OLFM1: variants seen among roughly 807,000 people sequenced by gnomAD.
OLFM1 encodes olfactomedin 1.
A neutral mutation model predicts 49.7 loss-of-function variants in OLFM1; 9 were observed. The observed-to-expected ratio is 0.18, with a 90% CI of 0.11 to 0.32. The LOEUF is 0.32. Ranked by LOEUF, OLFM1 falls within the 10% of genes least tolerant of loss-of-function variation. The pLI is 1.00. For synonymous variants in OLFM1, 240 were observed against 271.8 expected, an observed-to-expected ratio of 0.88 and a Z score of 1.15; for missense variants, 369 against 661.8, an observed-to-expected ratio of 0.56 and a Z score of 4.85.
chr9:135,088,995 C>T lies in OLFM1; in HGVS notation c.150+856C>T, dbSNP rs929973967. 6.6e-6 allele frequency among the ~76,000 whole-genome samples: 1 copy of T among 152,224 alleles called. No homozygotes were observed. The highest frequency in any genetic ancestry group is 2.4e-5 in the African/African-American group (1 of 41,466). ...GGCCGCGCGGGGAAGGGGCCGCTGC[C>T]GGGAAGGCGCGCCCCAGACCACTGG... On this transcript the variant is annotated intron_variant, in intron 1 of 5. Transcript: ENST00000371793. This position sits in a 1 kb window ranked among gnomAD's most constrained non-coding sequence, Gnocchi z 4.8.
At chr9:135,118,986 A>G (rs1279442583) in intron 5 of OLFM1, among the ~76,000 whole-genome samples, 8 of 106,504 alleles carry the variant, frequency 7.5e-5, no homozygotes, top group African/African-American at 3.1e-4. Flanking sequence ...GGTCTTTGGC[A>G]TGCTCGCCGG....
intron 3 of OLFM1, among the ~76,000 whole-genome samples, chr9:135,097,328 G>A (rs889474147): frequency 3.9e-5 from 6 of 152,124 alleles, no homozygotes; most frequent in African/African-American, 1.2e-4. Context: ...TTTTGTCCTC[G>A]CATCTGGCTG....
At chr9:135,098,000 T>C (rs1339021566) in intron 3 of OLFM1, 2 of 1,417,798 alleles carry the variant, frequency 1.4e-6, no homozygotes, top group Non-Finnish European at 1.8e-6. Flanking sequence ...CCCTTGTCAA[T>C]GCATTTTTTG....
At chr9:135,116,052 C>T (rs1399634160) in intron 5 of OLFM1, among the ~76,000 whole-genome samples, 2 of 152,154 alleles carry the variant, frequency 1.3e-5, no homozygotes, top group Non-Finnish European at 2.9e-5. Context: ...TATTTGGGGC[C>T]GCCTCCCCAG....
intron 1 of OLFM1, chr9:135,076,764 G>C: frequency 6.7e-7 from 1 of 1,485,240 alleles, no homozygotes; most frequent in Non-Finnish European, 9.0e-7. Flanking sequence ...CCAAGCCCCA[G>C]CTGCCCCTGA....
At chr9:135,082,888 C>T (rs1045217391), upstream of OLFM1, among the ~76,000 whole-genome samples, 7 of 152,274 alleles carry the variant, frequency 4.6e-5, no homozygotes, top group African/African-American at 1.7e-4. Flanking sequence ...CAGTAATGCC[C>T]GGGAGCCTCC....
intron 1 of OLFM1, among the ~76,000 whole-genome samples, chr9:135,089,320 G>A (rs1199049489): frequency 6.6e-6 from 1 of 152,244 alleles, no homozygotes; most frequent in East Asian, 1.9e-4. Flanking sequence ...ATAGCAGAGA[G>A]ATGACCTGAT....
Position 135,106,851 on chromosome 9 carries a change from A to G in OLFM1, c.779A>G (p.Asn260Ser). The change falls in exon 5 of 6, where the codon AAC becomes AGC. Residue 260 changes from asparagine (N) to serine (S), a missense_variant. Physicochemically the swap from Asn to Ser is conservative, Grantham distance 46 (BLOSUM62 1). Transcript: ENST00000371793. ...MTDPLAPEGD[N>S]RVWYMDGYHN... Reference sequence around the variant, plus strand: ...GACCCTCTCGCCCCTGAAGGCGATAACCGGGTGAGTGTCCCCTTATGTCAT... The same window carrying G: ...GACCCTCTCGCCCCTGAAGGCGATAGCCGGGTGAGTGTCCCCTTATGTCAT... 2 of 1,607,574 alleles carry G rather than the reference A, an allele frequency of 1.2e-6. No homozygotes were observed. The highest frequency in any genetic ancestry group is 1.7e-6 in the Non-Finnish European group (2 of 1,177,114).
At position 135,113,174 on chromosome 9, in the gene OLFM1, C is replaced by T. The variant is rs765559597; in HGVS notation, c.783+6319C>T. ...CCTCTCTGAAGTGGGGATTTGGGGA[C>T]GGGGTCCCTAAGCCTCTGTGACTCT... On this transcript the variant is annotated intron_variant, in intron 5 of 5. Transcript: ENST00000371793. This position sits in a 1 kb window ranked among gnomAD's most constrained non-coding sequence, Gnocchi z 4.0. Among the ~76,000 whole-genome samples the T allele has an allele frequency of 2.0e-4, 31 of 152,186 alleles. No individual in the cohort carries two copies. The highest frequency in any genetic ancestry group is 3.4e-3 in the Middle Eastern group (1 of 294).
chr9:135,115,942 C>T (rs77591066), intron 5 of OLFM1, among the ~76,000 whole-genome samples: 2,138 of 152,330 alleles, frequency 0.014, 47 homozygotes, highest in African/African-American at 0.049. Context: ...AGCCTGGTTC[C>T]GCTCTTGGCC....
At chr9:135,100,328 G>T (rs935678153) in intron 4 of OLFM1, among the ~76,000 whole-genome samples, 1 of 152,192 alleles carries the variant, frequency 6.6e-6, no homozygotes, top group Non-Finnish European at 1.5e-5. Context: ...CCTATTTTTA[G>T]TAGCTGGGTG....
Position 135,098,010 on chromosome 9 carries a change from G to C in OLFM1, c.457-276G>C. On this transcript the variant is annotated intron_variant, in intron 3 of 5. Transcript: ENST00000371793. The surrounding 1 kb of genome is among the most constrained non-coding windows in gnomAD (Gnocchi z 5.6). The stretch of plus-strand genomic sequence containing the variant: ...TTGAACCCTTGTCAATGCATTTTTT[G>C]AAAAAGAAAGAAAAAAAAAACTTCG... 1 of 1,404,916 alleles carries C rather than the reference G, an allele frequency of 7.1e-7. No individual in the cohort carries two copies. The allele number at this position is 1,404,916 out of a possible 1,614,324, so 87.0% of individuals were successfully genotyped here.
At chr9:135,108,448 A>G (rs1412827566) in intron 5 of OLFM1, among the ~76,000 whole-genome samples, 1 of 152,100 alleles carries the variant, frequency 6.6e-6, no homozygotes, top group African/African-American at 2.4e-5. Context: ...ATCCTGGCCA[A>G]CAAGGTGAAA....
chr9:135,098,480 G>T lies in OLFM1; in HGVS notation c.651G>T (p.Arg217Ser), dbSNP rs375480440. The change falls in exon 4 of 6, where the codon AGG becomes AGT. Residue 217 changes from arginine (R) to serine (S), a missense_variant. Physicochemically the swap from Arg to Ser is moderately radical, Grantham distance 110 (BLOSUM62 -1). Transcript: ENST00000371793. The surrounding 1 kb of genome is among the most constrained non-coding windows in gnomAD (Gnocchi z 5.6). ...LQSRVSNLEE[R>S]LRACMQKLAC... ...GCAGAGTGTCCAATCTTGAAGAAAG[G>T]CTCCGTGCATGCATGCAAAAACTAG... 8.7e-6 allele frequency: 14 copies of T among 1,613,612 alleles called. No homozygotes were observed. Among genetic ancestry groups the T allele is most frequent in the Non-Finnish European group, 1.2e-5 (14 of 1,180,036 alleles).
At chr9:135,079,376 C>T (rs556618147) in intron 1 of OLFM1, among the ~76,000 whole-genome samples, 1 of 152,206 alleles carries the variant, frequency 6.6e-6, no homozygotes, top group East Asian at 1.9e-4. Flanking sequence ...AAGGCCAGCA[C>T]TTTGATCACT....
intron 4 of OLFM1, chr9:135,105,627 CG>C (rs1564276701): frequency 1.3e-5 from 2 of 152,326 alleles, no homozygotes. Context: ...AGCCGAGGTC[CG>C]GGCGCACTCA....
In OLFM1 at chr9:135,117,647, C is replaced by T. The variant is rs1463060658; in HGVS notation, c.784-1857C>T. ...ACTGAAGGAGCTCCTTTCTTGCACA[C>T]GTGTGTATGACCCCCACTATGGGCC... On this transcript the variant is annotated intron_variant, in intron 5 of 5. Transcript: ENST00000371793. This position sits in a 1 kb window ranked among gnomAD's most constrained non-coding sequence, Gnocchi z 5.5. Among the ~76,000 whole-genome samples the T allele has an allele frequency of 6.6e-6, 1 of 152,210 alleles. No individual in the cohort carries two copies. The highest frequency in any genetic ancestry group is 1.5e-5 in the Non-Finnish European group (1 of 68,040).
chr9:135,097,722 C>A, intron 3 of OLFM1: 1 of 1,377,204 alleles, frequency 7.3e-7, no homozygotes, highest in Non-Finnish European at 1.0e-6. Context: ...TGATGGCTGT[C>A]TGTTTCAGGC....
rs577918301 is a variant in OLFM1, at chr9:135,098,565, G to A, written c.676+60G>A. ...CTGCCCACCTCCGGCACACGCACAG[G>A]CTTAGGGAGTGGTGCTGAAGTGGAC... On this transcript the variant is annotated intron_variant, in intron 4 of 5. Transcript: ENST00000371793. The surrounding 1 kb of genome is among the most constrained non-coding windows in gnomAD (Gnocchi z 5.6). 188 of 1,480,552 alleles carry A rather than the reference G, an allele frequency of 1.3e-4. No individual in the cohort carries two copies. The highest frequency in any genetic ancestry group is 1.7e-4 in the Non-Finnish European group (179 of 1,063,936). The allele number at this position is 1,480,552 out of a possible 1,614,324, so 91.7% of individuals were successfully genotyped here.
Sources: gnomAD v4.1 joint callset for allele counts (sites outside exome capture counted in the v4.1 genomes callset) on GRCh38, gnomAD v4.1.1 for gene constraint, Gnocchi (gnomAD v3.1) non-coding constraint, MANE v1.5 for transcripts, NCBI Gene and HGNC (gene_info 2026-07-23, HGNC 2026-07-21) for gene names.